The following ZPBP variants were observed in gnomAD, a reference collection of about 807,000 sequenced individuals.
The protein encoded by ZPBP is zona pellucida binding protein, also known as zona pellucida-binding protein 1.
A neutral mutation model predicts 44.8 loss-of-function variants in ZPBP; 26 were observed. That is an observed-to-expected ratio of 0.58 (90% CI 0.43 to 0.81). The LOEUF (loss-of-function observed/expected upper bound fraction) is 0.81, where lower values mean the gene tolerates loss of function less well. Among genes scored for constraint, ZPBP ranks in the 30% least tolerant of loss-of-function variants. The pLI is 0.00. For synonymous variants in ZPBP, 174 were observed against 153.2 expected (o/e 1.14, Z -1.00); for missense variants, 409 against 434.0 (o/e 0.94, Z 0.51).
intron 1 of ZPBP, among the ~76,000 whole-genome samples, chr7:49,923,656 C>A (rs1489070578): frequency 6.6e-6 from 1 of 152,066 alleles, no homozygotes; most frequent in Non-Finnish European, 1.5e-5. Context: ...TAGCCACATC[C>A]CCACATTTGC....
At chr7:50,087,433 G>A (rs934578428) in intron 2 of ZPBP, among the ~76,000 whole-genome samples, 1 of 151,828 alleles carries the variant, frequency 6.6e-6, no homozygotes, top group Non-Finnish European at 1.5e-5. Flanking sequence ...CGCCATACAT[G>A]GAGAAAAAGC....
At chr7:49,971,208 A>G (rs1358232473) in intron 7 of ZPBP, among the ~76,000 whole-genome samples, 1 of 152,200 alleles carries the variant, frequency 6.6e-6, no homozygotes, top group Non-Finnish European at 1.5e-5. Flanking sequence ...ACTGCTAATC[A>G]GTAAACCGAT....
intron 3 of ZPBP, among the ~76,000 whole-genome samples, chr7:50,065,188 G>T (rs1242823967): frequency 7.2e-6 from 1 of 138,208 alleles, no homozygotes; most frequent in Non-Finnish European, 1.6e-5. Context: ...TATCTTAAGA[G>T]TTCCTCTTGC....
At chr7:49,883,251 T>G (rs185665506) in intron 2 of ZPBP, among the ~76,000 whole-genome samples, 193 of 152,122 alleles carry the variant, frequency 1.3e-3, no homozygotes, top group Admixed American at 3.3e-3. Context: ...GAGGCGTCTT[T>G]CCAGAGCAGG....
At chr7:50,069,676 C>T (rs999598249) in intron 3 of ZPBP, among the ~76,000 whole-genome samples, 1 of 152,090 alleles carries the variant, frequency 6.6e-6, no homozygotes, top group Admixed American at 6.5e-5. Flanking sequence ...CTTTATCATG[C>T]ACTCCAAAAG....
rs535989436 is a variant in ZPBP, at chr7:50,003,363, C to A, written c.783+14877G>T. Among the ~76,000 whole-genome samples the A allele has an allele frequency of 2.6e-3, 392 of 152,176 alleles. 7 individuals are homozygous for A. The highest frequency in any genetic ancestry group is 5.6e-4 in the Non-Finnish European group (38 of 68,002). Reference sequence around the variant, plus strand: ...ACTTTAATGCTTGGCCAAGAAAAAGCTGCAATTAGAAGAGGAGAAAATGTC... The same window carrying A: ...ACTTTAATGCTTGGCCAAGAAAAAGATGCAATTAGAAGAGGAGAAAATGTC... On this transcript the variant is annotated intron_variant, in intron 6 of 7. Transcript: ENST00000046087.
Position 49,954,745 on chromosome 7 carries a change from G to A in ZPBP, c.962-17123C>T, listed in dbSNP as rs183526785. On this transcript the variant is annotated intron_variant, in intron 7 of 7. Coordinates refer to ENST00000046087, the MANE Select transcript of ZPBP (RefSeq NM_007009.3). The stretch of plus-strand genomic sequence containing the variant: ...TTTCAAATATGTGGCAAAACTAAAA[G>A]GAGAAATAGACAAATTCACAATAAT... Among the ~76,000 whole-genome samples, 7 of 152,114 alleles carry A rather than the reference G, an allele frequency of 4.6e-5. No individual in the cohort carries two copies. The East Asian group carries it at 1.4e-3, about 29-fold the overall frequency.
At chr7:50,028,582 C>A (rs1799443051) in intron 5 of ZPBP, among the ~76,000 whole-genome samples, 1 of 150,724 alleles carries the variant, frequency 6.6e-6, no homozygotes, top group Non-Finnish European at 1.5e-5. Flanking sequence ...ATAAAAACTA[C>A]TAAAGATTTC....
At chr7:50,016,353 T>A (rs1798820094) in intron 6 of ZPBP, among the ~76,000 whole-genome samples, 1 of 152,038 alleles carries the variant, frequency 6.6e-6, no homozygotes, top group African/African-American at 2.4e-5. Flanking sequence ...AAGTGGGAGC[T>A]AAACATTGAG....
intron 7 of ZPBP, among the ~76,000 whole-genome samples, chr7:49,955,509 A>T (rs62445840): frequency 1.6e-4 from 24 of 152,126 alleles, no homozygotes; most frequent in Admixed American, 1.6e-3. Context: ...GTGAGCTGAG[A>T]TCACGCCACT....
chr7:49,952,975 GA>G, intron 7 of ZPBP, among the ~76,000 whole-genome samples: 1 of 151,966 alleles, frequency 6.6e-6, no homozygotes, highest in Non-Finnish European at 1.5e-5. Flanking sequence ...AATATACATG[GA>G]AAAAATGGCT....
intron 6 of ZPBP, among the ~76,000 whole-genome samples, chr7:49,995,749 G>A (rs780367767): frequency 6.6e-6 from 1 of 152,146 alleles, no homozygotes; most frequent in Non-Finnish European, 1.5e-5. Context: ...AGACCATTAT[G>A]TTACGTGAAA....
At chr7:49,929,835 T>A (rs1794386695) in intron 1 of ZPBP, among the ~76,000 whole-genome samples, 1 of 152,200 alleles carries the variant, frequency 6.6e-6, no homozygotes, top group Non-Finnish European at 1.5e-5. Flanking sequence ...AATGTACATG[T>A]TACTAATGTG....
chr7:50,039,624 G>A (rs1022063926), intron 4 of ZPBP, among the ~76,000 whole-genome samples: 2 of 152,112 alleles, frequency 1.3e-5, no homozygotes, highest in African/African-American at 2.4e-5. Flanking sequence ...GAGAGAAGCT[G>A]TATTGGTCTA....
intron 1 of ZPBP, chr7:49,917,387 A>G (rs979472882): frequency 2.0e-5 from 3 of 152,218 alleles, no homozygotes; most frequent in African/African-American, 7.2e-5. Flanking sequence ...TATTCAGCCA[A>G]AGTTTCAATA....
intron 1 of ZPBP, among the ~76,000 whole-genome samples, chr7:49,909,967 G>T (rs1411356818): frequency 6.6e-6 from 1 of 151,880 alleles, no homozygotes; most frequent in Non-Finnish European, 1.5e-5. Context: ...AAGTTACTCA[G>T]GTGTGGTGGT....
In ZPBP at chr7:49,972,983, T is replaced by C. The variant is rs180701636; in HGVS notation, c.961+10359A>G. On this transcript the variant is annotated intron_variant, in intron 7 of 7. Coordinates refer to ENST00000046087, the MANE Select transcript of ZPBP (RefSeq NM_007009.3). ...TGAGACTATTCCATGGGTAAAAGAT[T>C]GTCTTTTCAACAAATGGTGCTGTCA... 8.9e-4 allele frequency among the ~76,000 whole-genome samples: 135 copies of C among 152,084 alleles called. 2 individuals carry two copies. The highest frequency in any genetic ancestry group is 1.5e-3 in the Non-Finnish European group (99 of 67,928).
chr7:49,986,038 A>C (rs1203238103), intron 6 of ZPBP, among the ~76,000 whole-genome samples: 3 of 152,012 alleles, frequency 2.0e-5, no homozygotes. Flanking sequence ...GTGTCCATGC[A>C]CCTAATTTTT....
At chr7:49,848,881 T>C (rs569168039), downstream of ZPBP, among the ~76,000 whole-genome samples, 4 of 152,322 alleles carry the variant, frequency 2.6e-5, no homozygotes, top group South Asian at 4.1e-4. Context: ...CAGAAAGGAA[T>C]CTAGACAGAA....
Sources: allele counts gnomAD v4.1 joint callset (sites outside exome capture counted in the v4.1 genomes callset), GRCh38; gene constraint gnomAD v4.1.1; transcripts MANE v1.5; gene names NCBI Gene and HGNC (gene_info 2026-07-23, HGNC 2026-07-21).